The following PCDHGB4 variants were observed in gnomAD, a reference collection of about 807,000 sequenced individuals.
PCDHGB4 encodes the protein protocadherin gamma-B4.
A neutral mutation model predicts 60.5 loss-of-function variants in PCDHGB4; 38 were observed. The observed-to-expected ratio is 0.63, with a 90% confidence interval of 0.48 to 0.82. The LOEUF is 0.82. Ranked by LOEUF, PCDHGB4 falls within the 40% of genes least tolerant of loss-of-function variation. PCDHGB4 has a pLI of 0.00. For synonymous variants in PCDHGB4, 456 were observed against 509.7 expected (o/e 0.89, Z 1.42); for missense variants, 1,109 against 1,209.6 (o/e 0.92, Z 1.23).
At chr5:141,458,459 A>G (rs1232004043) in intron 1 of PCDHGB4, among the ~76,000 whole-genome samples, 1 of 152,006 alleles carries the variant, frequency 6.6e-6, no homozygotes, top group African/African-American at 2.4e-5. Flanking sequence ...AATTTTTAAA[A>G]TACCGTACAA....
At chr5:141,458,632 C>T (rs779075931) in intron 1 of PCDHGB4, among the ~76,000 whole-genome samples, 1 of 151,898 alleles carries the variant, frequency 6.6e-6, no homozygotes, top group Non-Finnish European at 1.5e-5. Context: ...TGCAGTGGCA[C>T]AATCCCAGCT....
rs148798222 is a variant in PCDHGB4, at chr5:141,432,106, G to A, written c.2397+41825G>A. On this transcript the variant is annotated intron_variant, in intron 1 of 3. Coordinates refer to ENST00000519479, the MANE Select transcript of PCDHGB4 (RefSeq NM_003736.4). This position sits in a 1 kb window ranked among gnomAD's most constrained non-coding sequence, Gnocchi z 6.0. The stretch of plus-strand genomic sequence containing the variant: ...ACGTGGCAGACACCAACGACAACCC[G>A]CCGGTCTTCCCTCAGGCCTCCTATT... 4 of 1,614,068 alleles carry A rather than the reference G, an allele frequency of 2.5e-6. No homozygotes were observed. Among genetic ancestry groups the A allele is most frequent in the Non-Finnish European group, 3.4e-6 (4 of 1,180,020 alleles).
At position 141,505,413 on chromosome 5, in the gene PCDHGB4, C is replaced by A; in HGVS notation, c.2477C>A (p.Thr826Asn). ...CCCAGCTCCCAAAATGGCGATGACACCGGCACCTGGCCCAACAACCAGTTT... is the reference window on the plus strand; with the variant it reads ...CCCAGCTCCCAAAATGGCGATGACAACGGCACCTGGCCCAACAACCAGTTT... ...GTSGSQNGDD[T>N]GTWPNNQFDT... Residue 826 changes from threonine to asparagine, a missense_variant, in exon 3 of 4, where the codon ACC becomes AAC. Physicochemically the swap from Thr to Asn is moderately conservative, Grantham distance 65 (BLOSUM62 0). Coordinates refer to ENST00000519479, the MANE Select transcript of PCDHGB4 (RefSeq NM_003736.4). 1 of 1,614,202 alleles carries A rather than the reference C, an allele frequency of 6.2e-7. No homozygotes were observed. Among genetic ancestry groups the A allele is most frequent in the Non-Finnish European group, 8.5e-7 (1 of 1,180,046 alleles).
intron 3 of PCDHGB4, among the ~76,000 whole-genome samples, chr5:141,508,789 A>C: frequency 1.4e-5 from 2 of 145,944 alleles, no homozygotes; most frequent in African/African-American, 2.6e-5. Context: ...CCCCTAAATC[A>C]CTCTGGAATC....
Position 141,491,013 on chromosome 5 carries a change from G to C in PCDHGB4, c.2398-3794G>C. ...CTCCTCCTGGCTCCTTGGTCACCAA[G>C]GTGACAGCCGTGGATGCTGATGCAG... On this transcript the variant is annotated intron_variant, in intron 1 of 3. Transcript: ENST00000519479. The surrounding 1 kb of genome is among the most constrained non-coding windows in gnomAD (Gnocchi z 6.9). 6.2e-7 allele frequency: 1 copy of C among 1,614,144 alleles called. No homozygotes were observed. Among genetic ancestry groups the C allele is most frequent in the Non-Finnish European group, 8.5e-7 (1 of 1,180,040 alleles).
chr5:141,476,382 A>G lies in PCDHGB4; in HGVS notation c.2398-18425A>G, dbSNP rs777831089. ...CGGGAGACCGGAGAGATGTTTGTGA[A>G]CGACCGTCTGGATCGAGAGGAGCTG... On this transcript the variant is annotated intron_variant, in intron 1 of 3. Transcript: ENST00000519479. This position sits in a 1 kb window ranked among gnomAD's most constrained non-coding sequence, Gnocchi z 7.6. 3.7e-6 allele frequency: 6 copies of G among 1,613,866 alleles called. No individual in the cohort carries two copies. The East Asian group carries it at 1.3e-4, about 36-fold the overall frequency.
chr5:141,394,505 C>A (rs1366555133), intron 1 of PCDHGB4: 4 of 1,614,218 alleles, frequency 2.5e-6, no homozygotes, highest in Non-Finnish European at 3.4e-6. Context: ...AGATCCTGTA[C>A]CCCGCCCTCC....
rs569451436 is a variant in PCDHGB4, at chr5:141,389,774, A to G, written c.1890A>G (p.Leu630=). The G allele has an allele frequency of 2.5e-6, 4 of 1,613,170 alleles. No individual in the cohort carries two copies. The African/African-American group carries it at 5.3e-5, about 21-fold the overall frequency. Residue 630 remains leucine, a synonymous_variant, in exon 1 of 4, where the codon TTA becomes TTG. Transcript: ENST00000519479. ...RTGEVRTARA[L]GDRDAVRQRL... ...GCGAAGTGCGCACAGCGCGTGCCTTAGGCGACAGGGACGCCGTCCGCCAGC... is the reference window on the plus strand; with the variant it reads ...GCGAAGTGCGCACAGCGCGTGCCTTGGGCGACAGGGACGCCGTCCGCCAGC...
Position 141,421,718 on chromosome 5 carries a change from G to A in PCDHGB4, c.2397+31437G>A, listed in dbSNP as rs778263773. On this transcript the variant is annotated intron_variant, in intron 1 of 3. Transcript: ENST00000519479. ...CCTAATGCTAGGGATCCAGATGTGGGCGTGAACTCCCTCCAGAGCTACCAG... is the reference window on the plus strand; with the variant it reads ...CCTAATGCTAGGGATCCAGATGTGGACGTGAACTCCCTCCAGAGCTACCAG... 3.1e-6 allele frequency: 5 copies of A among 1,613,848 alleles called. No homozygotes were observed. The highest frequency in any genetic ancestry group is 2.7e-5 in the African/African-American group (2 of 74,938).
chr5:141,477,644 T>A lies in PCDHGB4; in HGVS notation c.2398-17163T>A. On this transcript the variant is annotated intron_variant, in intron 1 of 3. Coordinates refer to ENST00000519479, the MANE Select transcript of PCDHGB4 (RefSeq NM_003736.4). The surrounding 1 kb of genome is among the most constrained non-coding windows in gnomAD (Gnocchi z 4.9). ...TGAAACCGGGCTAGTGGGTCGCTAT[T>A]TCACAATAAATCGTGACAATGGCAT... The A allele has an allele frequency of 6.2e-7, 1 of 1,614,200 alleles. No homozygotes were observed. Among genetic ancestry groups the A allele is most frequent in the Non-Finnish European group, 8.5e-7 (1 of 1,180,036 alleles).
At chr5:141,448,707 G>A (rs1455790773) in intron 1 of PCDHGB4, among the ~76,000 whole-genome samples, 4 of 152,228 alleles carry the variant, frequency 2.6e-5, no homozygotes, top group South Asian at 2.1e-4. Flanking sequence ...TTGGGAGGCC[G>A]AGGCGGGAGG....
chr5:141,450,179 A>G (rs1472867634), intron 1 of PCDHGB4, among the ~76,000 whole-genome samples: 1 of 151,100 alleles, frequency 6.6e-6, no homozygotes, highest in African/African-American at 2.4e-5. Flanking sequence ...CACCACACCC[A>G]GCTAATTTTT....
At chr5:141,481,879 A>G (rs1204365605) in intron 1 of PCDHGB4, among the ~76,000 whole-genome samples, 1 of 144,890 alleles carries the variant, frequency 6.9e-6, no homozygotes, top group Non-Finnish European at 1.5e-5. Context: ...GCGCCACTGC[A>G]CTCCAGCCTG....
chr5:141,488,095 A>G (rs78361634), intron 1 of PCDHGB4, among the ~76,000 whole-genome samples: 8,142 of 152,146 alleles, frequency 0.054, 446 homozygotes, highest in African/African-American at 0.15. Flanking sequence ...CTGTGAAGGG[A>G]CCTCTCTATT....
intron 1 of PCDHGB4, chr5:141,408,114 C>G: frequency 6.8e-7 from 1 of 1,461,086 alleles, no homozygotes; most frequent in East Asian, 2.5e-5. Flanking sequence ...CGGGACTCCT[C>G]CTGTCCTGGG....
At chr5:141,484,644 A>G (rs1165542601) in intron 1 of PCDHGB4, among the ~76,000 whole-genome samples, 1 of 151,748 alleles carries the variant, frequency 6.6e-6, no homozygotes, top group African/African-American at 2.4e-5. Flanking sequence ...CCACTCTCCA[A>G]TGGCTACTCT....
chr5:141,442,227 T>G (rs953690152), intron 1 of PCDHGB4: 16 of 153,240 alleles, frequency 1.0e-4, no homozygotes, highest in African/African-American at 3.6e-4. Context: ...TTAATTTCCT[T>G]TTTATTCTTC....
chr5:141,423,624 T>A (rs756883871), intron 1 of PCDHGB4: 9 of 1,607,038 alleles, frequency 5.6e-6, no homozygotes, highest in African/African-American at 1.3e-5. Flanking sequence ...AAGACTCAGC[T>A]ATCATTTTAG....
At chr5:141,499,625 C>A (rs1238895570) in intron 2 of PCDHGB4, among the ~76,000 whole-genome samples, 1 of 149,832 alleles carries the variant, frequency 6.7e-6, no homozygotes, top group East Asian at 2.0e-4. Flanking sequence ...TCCTTGGATT[C>A]TTTTGAAGCA....
Sources: gnomAD v4.1 joint callset for allele counts (sites outside exome capture counted in the v4.1 genomes callset) on GRCh38, gnomAD v4.1.1 for gene constraint, Gnocchi (gnomAD v3.1) non-coding constraint, MANE v1.5 for transcripts, NCBI Gene and HGNC (gene_info 2026-07-23, HGNC 2026-07-21) for gene names.